The following MTREX variants were observed in gnomAD, a reference collection of about 807,000 sequenced individuals.
MTREX encodes the protein Mtr4 exosome RNA helicase, also known as exosome RNA helicase MTR4.
MTREX carries 76 observed loss-of-function variants against 135.4 expected under a neutral mutation model. That is an observed-to-expected ratio of 0.56 (90% CI 0.47 to 0.68). MTREX has a LOEUF of 0.68. Among genes scored for constraint, MTREX ranks in the 30% least tolerant of loss-of-function variants. MTREX has a pLI of 0.00. For missense variants in MTREX, 920 were observed against 1,262.1 expected (o/e 0.73, Z 4.11); for synonymous variants, 404 against 401.6 (o/e 1.01, Z -0.07).
chr5:55,373,834 C>G (rs2112093863), intron 16 of MTREX, among the ~76,000 whole-genome samples: 1 of 152,164 alleles, frequency 6.6e-6, no homozygotes, highest in East Asian at 1.9e-4. Flanking sequence ...GATGCTGTCT[C>G]CAGGTGGATA....
chr5:55,425,416 T>C lies in MTREX; in HGVS notation c.*644T>C, dbSNP rs1198528760. On this transcript the variant is annotated 3_prime_UTR_variant, in exon 27 of 27. Transcript: ENST00000230640. ...AGTTGTGATCAACAGCATCCTAAGA[T>C]AAATATAAACAAAAGGATATACTTT... The C allele has an allele frequency of 7.8e-7, 1 of 1,282,730 alleles. No individual in the cohort carries two copies. Among genetic ancestry groups the C allele is most frequent in the Admixed American group, 2.3e-5 (1 of 42,586 alleles). 79.5% of individuals were successfully genotyped at this position (1,282,730 alleles called of 1,614,324 possible). A position where few individuals can be genotyped will look rare whatever the true frequency, so the allele number is the denominator to read the frequency against.
intron 1 of MTREX, among the ~76,000 whole-genome samples, chr5:55,317,822 T>G (rs1270885923): frequency 6.6e-6 from 1 of 152,050 alleles, no homozygotes; most frequent in Non-Finnish European, 1.5e-5. Context: ...AAAGAAACTA[T>G]CAACAGAGTA....
chr5:55,417,281 T>G (rs191462821), intron 25 of MTREX, among the ~76,000 whole-genome samples: 9 of 152,290 alleles, frequency 5.9e-5, no homozygotes, highest in African/African-American at 2.2e-4. Flanking sequence ...TGCTAAGAGC[T>G]CTGTATAATT....
At chr5:55,349,467 G>A in intron 11 of MTREX, 106 bp from the exon 12 acceptor site, 1 of 698,184 alleles carries the variant, frequency 1.4e-6, no homozygotes, top group African/African-American at 1.8e-5. Context: ...AGGATTACAA[G>A]CTTGGGACAC....
intron 25 of MTREX, among the ~76,000 whole-genome samples, chr5:55,416,489 C>T (rs1750968054): frequency 6.6e-6 from 1 of 151,932 alleles, no homozygotes; most frequent in Non-Finnish European, 1.5e-5. Context: ...CTAAAAATAG[C>T]AGAGCTGAAA....
intron 15 of MTREX, among the ~76,000 whole-genome samples, chr5:55,361,386 ATG>A (rs932624014): frequency 6.6e-6 from 1 of 152,218 alleles, no homozygotes; most frequent in Non-Finnish European, 1.5e-5. Flanking sequence ...GGCAAAATAC[ATG>A]TGTTTGTTGC....
At chr5:55,327,115 G>T (rs920820483) in intron 3 of MTREX, among the ~76,000 whole-genome samples, 1 of 152,172 alleles carries the variant, frequency 6.6e-6, no homozygotes, top group Non-Finnish European at 1.5e-5. Flanking sequence ...CATTTGGGTT[G>T]GTTCCAAGTC....
chr5:55,419,394 T>C (rs1201822796), intron 25 of MTREX, among the ~76,000 whole-genome samples: 1 of 152,238 alleles, frequency 6.6e-6, no homozygotes, highest in Non-Finnish European at 1.5e-5. Flanking sequence ...TAGTTAACAC[T>C]GTAATGATTA....
At chr5:55,388,641 A>G (rs765287733) in intron 19 of MTREX, among the ~76,000 whole-genome samples, 7 of 152,198 alleles carry the variant, frequency 4.6e-5, no homozygotes, top group Non-Finnish European at 8.8e-5. Context: ...GGTAAACTAC[A>G]CCAAGTTATG....
chr5:55,392,433 T>C (rs1279246515), intron 19 of MTREX, among the ~76,000 whole-genome samples: 2 of 151,540 alleles, frequency 1.3e-5, no homozygotes, highest in Non-Finnish European at 2.9e-5. Context: ...GCTTCAGCTA[T>C]TCGAGAGGCT....
At chr5:55,343,237 A>G (rs1579859431) in intron 7 of MTREX, 94 bp from the exon 8 acceptor site, 2 of 1,140,804 alleles carry the variant, frequency 1.8e-6, no homozygotes, top group East Asian at 4.9e-5. Flanking sequence ...CTGCATTTCT[A>G]ACTATAAAGC....
At chr5:55,337,801 G>C (rs1428542505) in intron 5 of MTREX, among the ~76,000 whole-genome samples, 1 of 140,718 alleles carries the variant, frequency 7.1e-6, no homozygotes, top group Non-Finnish European at 1.5e-5. Flanking sequence ...TTTTTTTTTT[G>C]ATCCTTATTT....
At chr5:55,388,430 A>C (rs1220243704) in intron 19 of MTREX, among the ~76,000 whole-genome samples, 6 of 152,134 alleles carry the variant, frequency 3.9e-5, no homozygotes, top group Non-Finnish European at 8.8e-5. Context: ...TGACTGAGTG[A>C]TTTTACAGTT....
chr5:55,308,029 G>A lies in MTREX; in HGVS notation c.16G>A (p.Gly6Arg), dbSNP rs1460813590. The A allele has an allele frequency of 6.8e-6, 11 of 1,614,000 alleles. No individual in the cohort carries two copies. Among genetic ancestry groups the A allele is most frequent in the Middle Eastern group, 1.6e-4 (1 of 6,082 alleles). MADAF[G>R]DELFSVFEGD... ...GCTCCCAAAAATGGCGGACGCATTC[G>A]GAGATGAGCTGTTCAGCGTGTTCGA... The change falls in exon 1 of 27, where the codon GGA (glycine) becomes AGA (arginine). Residue 6 changes from glycine to arginine, a missense_variant. Physicochemically the swap from Gly to Arg is moderately radical, Grantham distance 125 (BLOSUM62 -2). Around this residue, in one of 6 missense-constraint regions of MTREX, gnomAD observed 136 missense variants for 126.7 expected, o/e 1.07. Coordinates refer to ENST00000230640, the MANE Select transcript of MTREX (RefSeq NM_015360.5).
chr5:55,344,691 T>G, intron 9 of MTREX, 71 bp downstream of exon 9: 1 of 899,378 alleles, frequency 1.1e-6, no homozygotes, highest in Non-Finnish European at 1.7e-6. Context: ...TGTTGTTGTT[T>G]TTAAATTTTG....
At position 55,366,715 on chromosome 5, in the gene MTREX, T is replaced by C; in HGVS notation, c.1660-10T>C. 6.6e-7 allele frequency: 1 copy of C among 1,520,228 alleles called. No individual in the cohort carries two copies. Among genetic ancestry groups the C allele is most frequent in the Non-Finnish European group, 8.8e-7 (1 of 1,134,976 alleles). The allele number at this position is 1,520,228 out of a possible 1,614,324, so 94.2% of individuals were successfully genotyped here. ...AAAACTACAAAATTGACATTTTTTT[T>C]CTCTCTTAGGGCTCCGCTGATCCTC... On this transcript the variant is annotated splice_polypyrimidine_tract_variant and intron_variant, in intron 15 of 26. Coordinates refer to ENST00000230640, the MANE Select transcript of MTREX (RefSeq NM_015360.5).
At chr5:55,360,050 A>G (rs1417008067) in intron 15 of MTREX, among the ~76,000 whole-genome samples, 1 of 152,146 alleles carries the variant, frequency 6.6e-6, no homozygotes, top group South Asian at 2.1e-4. Flanking sequence ...ATTTTCATCA[A>G]TCCAAAAAGA....
intron 16 of MTREX, among the ~76,000 whole-genome samples, chr5:55,374,342 C>T (rs994568371): frequency 4.0e-5 from 6 of 150,206 alleles, no homozygotes; most frequent in Admixed American, 1.3e-4. Context: ...GACTGGAGTG[C>T]ACTGGCAAAA....
At chr5:55,344,727 A>C in intron 9 of MTREX, 107 bp downstream of exon 9, 2 of 652,668 alleles carry the variant, frequency 3.1e-6, no homozygotes, top group Non-Finnish European at 5.1e-6. Context: ...GAAAAGATAC[A>C]TTTGTTTGTC....
Sources: gnomAD v4.1 joint callset for allele counts (sites outside exome capture counted in the v4.1 genomes callset) on GRCh38, gnomAD v4.1.1 for gene constraint, gnomAD v4.1.1 regional missense constraint, MANE v1.5 for transcripts, NCBI Gene and HGNC (gene_info 2026-07-23, HGNC 2026-07-21) for gene names.